TAS2R1: variants seen among roughly 807,000 people sequenced by gnomAD.
TAS2R1 encodes the protein taste 2 receptor member 1.
For missense variants in TAS2R1, 370 were observed against 353.4 expected (o/e 1.05, Z -0.38); for synonymous variants, 141 against 134.2 (o/e 1.05, Z -0.35).
chr5:9,724,956 G>A, the TAS2R1 span, among the ~76,000 whole-genome samples: 9 of 152,254 alleles, frequency 5.9e-5, no homozygotes, highest in Non-Finnish European at 8.8e-5. Context: ...AAATACTGGA[G>A]GCATTTTGTG....
At chr5:9,838,385 G>A in the TAS2R1 span, among the ~76,000 whole-genome samples, 9 of 152,148 alleles carry the variant, frequency 5.9e-5, no homozygotes, top group East Asian at 9.7e-4. Flanking sequence ...ATGAAGGAGC[G>A]AATAGAATAC....
intron 1 of TAS2R1, among the ~76,000 whole-genome samples, chr5:9,685,711 T>C (rs1223987090): frequency 6.6e-6 from 1 of 152,210 alleles, no homozygotes; most frequent in Non-Finnish European, 1.5e-5. Context: ...CTCCAGTGTA[T>C]GGCACACTAT....
the TAS2R1 span, among the ~76,000 whole-genome samples, chr5:9,786,670 G>T: frequency 6.6e-6 from 1 of 152,310 alleles, no homozygotes; most frequent in South Asian, 2.1e-4. Flanking sequence ...ACTCGAATAT[G>T]CAGCAGAAGT....
chr5:9,767,405 T>C, the TAS2R1 span, among the ~76,000 whole-genome samples: 58 of 152,268 alleles, frequency 3.8e-4, no homozygotes, highest in African/African-American at 1.4e-3. Flanking sequence ...CATTGCCAAC[T>C]GTTGGATCCT....
the TAS2R1 span, among the ~76,000 whole-genome samples, chr5:9,800,064 T>A: frequency 1.5e-4 from 23 of 152,254 alleles, no homozygotes; most frequent in Non-Finnish European, 2.8e-4. Context: ...TAAGCAGGCC[T>A]ATTTCTTTCC....
chr5:9,763,926 T>C, the TAS2R1 span, among the ~76,000 whole-genome samples: 1 of 152,244 alleles, frequency 6.6e-6, no homozygotes, highest in Non-Finnish European at 1.5e-5. Context: ...TTAATGTTTG[T>C]AGAAATTCAG....
chr5:9,853,488 A>C, the TAS2R1 span, among the ~76,000 whole-genome samples: 1 of 152,216 alleles, frequency 6.6e-6, no homozygotes, highest in Non-Finnish European at 1.5e-5. Flanking sequence ...TCATGGAAAC[A>C]GGTGGTAACT....
At chr5:9,735,067 G>A in the TAS2R1 span, among the ~76,000 whole-genome samples, 1 of 151,270 alleles carries the variant, frequency 6.6e-6, no homozygotes, top group Admixed American at 6.6e-5. Flanking sequence ...GGGGAAGCAG[G>A]CGCGTCTTCA....
the TAS2R1 span, among the ~76,000 whole-genome samples, chr5:9,788,674 A>T: frequency 6.6e-6 from 1 of 152,240 alleles, no homozygotes; most frequent in Non-Finnish European, 1.5e-5. Context: ...CTTGCCTTTC[A>T]TCTCAGAGAG....
chr5:9,757,426 G>T, the TAS2R1 span, among the ~76,000 whole-genome samples: 1 of 152,090 alleles, frequency 6.6e-6, no homozygotes, highest in East Asian at 1.9e-4. Flanking sequence ...AAAATAGAGG[G>T]TATATGATTG....
intron 1 of TAS2R1, among the ~76,000 whole-genome samples, chr5:9,689,729 T>C (rs926433657): frequency 1.3e-5 from 2 of 152,056 alleles, no homozygotes; most frequent in East Asian, 1.9e-4. Flanking sequence ...TATAAGATAC[T>C]AAATATTAAA....
chr5:9,784,703 A>G, the TAS2R1 span, among the ~76,000 whole-genome samples: 32 of 152,206 alleles, frequency 2.1e-4, 1 homozygote, highest in Non-Finnish European at 1.0e-4. Flanking sequence ...GAAGCTCCAG[A>G]GGAGGATCCT....
At chr5:9,769,102 A>T in the TAS2R1 span, among the ~76,000 whole-genome samples, 1 of 152,158 alleles carries the variant, frequency 6.6e-6, no homozygotes, top group Non-Finnish European at 1.5e-5. Context: ...GGTAACAATC[A>T]TTCTACTCTC....
At chr5:9,892,529 A>T in the TAS2R1 span, among the ~76,000 whole-genome samples, 1 of 152,190 alleles carries the variant, frequency 6.6e-6, no homozygotes, top group Non-Finnish European at 1.5e-5. Context: ...GCCCTGAACC[A>T]ACTACATAAC....
At chr5:9,713,571 A>G (rs1734743597), upstream of TAS2R1, among the ~76,000 whole-genome samples, 1 of 152,150 alleles carries the variant, frequency 6.6e-6, no homozygotes, top group Non-Finnish European at 1.5e-5. Context: ...GTGGGATAAG[A>G]GACATACTTC....
intron 1 of TAS2R1, among the ~76,000 whole-genome samples, chr5:9,706,624 T>G (rs1359514242): frequency 6.6e-6 from 1 of 152,132 alleles, no homozygotes; most frequent in African/African-American, 2.4e-5. Context: ...CCAAAGAAGT[T>G]GAGTTGTACA....
At chr5:9,640,203 A>T (rs1276475487) in intron 2 of TAS2R1, among the ~76,000 whole-genome samples, 1 of 152,004 alleles carries the variant, frequency 6.6e-6, no homozygotes, top group Non-Finnish European at 1.5e-5. Flanking sequence ...GCTCAAGGAG[A>T]AGGAGTGCAA....
At chr5:9,649,216 A>C (rs1318978348) in intron 2 of TAS2R1, among the ~76,000 whole-genome samples, 1 of 152,186 alleles carries the variant, frequency 6.6e-6, no homozygotes, top group African/African-American at 2.4e-5. Flanking sequence ...TCATGCATGG[A>C]ATTCATGTGT....
chr5:9,809,142 G>A, the TAS2R1 span, among the ~76,000 whole-genome samples: 5 of 152,134 alleles, frequency 3.3e-5, no homozygotes, highest in African/African-American at 1.2e-4. Context: ...AGCTGGAGAG[G>A]AATTCTGTCT....
Sources: gnomAD v4.1 joint callset for allele counts (sites outside exome capture counted in the v4.1 genomes callset) on GRCh38, gnomAD v4.1.1 for gene constraint, MANE v1.5 for transcripts, NCBI Gene and HGNC (gene_info 2026-07-23, HGNC 2026-07-21) for gene names.